ATAD2B: variants seen among roughly 807,000 people sequenced by gnomAD.
ATAD2B encodes ATPase family AAA domain containing 2B, also known as ATPase family AAA domain-containing protein 2B.
ATAD2B carries 40 observed loss-of-function variants against 167.6 expected under a neutral mutation model. The observed-to-expected ratio is 0.24, with a 90% confidence interval of 0.19 to 0.31. The LOEUF is 0.31. Ranked by LOEUF, ATAD2B falls within the 10% of genes least tolerant of loss-of-function variation. The probability of loss-of-function intolerance (pLI) is 1.00; values close to 1 mark genes in which losing one functional copy is unlikely to be tolerated. For synonymous variants in ATAD2B, 579 were observed against 596.5 expected, an observed-to-expected ratio of 0.97 and a Z score of 0.43; for missense variants, 1,242 against 1,757.2, an observed-to-expected ratio of 0.71 and a Z score of 5.24.
intron 22 of ATAD2B, among the ~76,000 whole-genome samples, chr2:23,776,819 A>G (rs2149365161): frequency 6.6e-6 from 1 of 152,312 alleles, no homozygotes; most frequent in Admixed American, 6.5e-5. Context: ...ATAATCACCA[A>G]TAATTTGATA....
chr2:23,860,901 G>A (rs1049123394), intron 12 of ATAD2B, among the ~76,000 whole-genome samples: 10 of 152,154 alleles, frequency 6.6e-5, no homozygotes, highest in African/African-American at 2.4e-4. Flanking sequence ...AACCCAGGAG[G>A]TGGAGGTTGC....
chr2:23,837,593 C>T (rs1189434229), intron 13 of ATAD2B, among the ~76,000 whole-genome samples: 1 of 152,238 alleles, frequency 6.6e-6, no homozygotes, highest in East Asian at 1.9e-4. Context: ...CCCGGCTACA[C>T]CTCCCCAATA....
At chr2:23,914,075 C>A (rs897349094) in intron 1 of ATAD2B, among the ~76,000 whole-genome samples, 3 of 152,062 alleles carry the variant, frequency 2.0e-5, no homozygotes, top group Non-Finnish European at 4.4e-5. Context: ...ACAGCAATAA[C>A]CCTGTCTCTA....
At chr2:23,737,961 G>A in the ATAD2B span, among the ~76,000 whole-genome samples, 35 of 152,236 alleles carry the variant, frequency 2.3e-4, no homozygotes, top group East Asian at 1.9e-4. Context: ...GATGGAAGAC[G>A]AAATGAATGA....
rs1345811141 is a variant in ATAD2B at position 23,781,177 on chromosome 2, G to GC, written c.3133+1691dup. 1.1e-4 allele frequency among the ~76,000 whole-genome samples: 17 copies of GC among 151,958 alleles called. No individual in the cohort carries two copies. The East Asian group carries it at 1.7e-3, about 16-fold the overall frequency. ...GAGCTGGCCTGGCACTATCAGCTAG[G>GC]CCTCAAGGTACTACAATTAAACATA... is the stretch of plus-strand genomic sequence containing the variant. On this transcript the variant is annotated intron_variant, in intron 22 of 27. Transcript: ENST00000238789.
the ATAD2B span, chr2:23,695,996 G>T: frequency 6.4e-7 from 1 of 1,551,668 alleles, no homozygotes; most frequent in East Asian, 2.4e-5. The surrounding 1 kb of genome is among the most constrained non-coding windows in gnomAD (Gnocchi z 7.6). Context: ...CAGATGGTGG[G>T]GATGACCCAG....
At chr2:23,718,748 C>T in the ATAD2B span, among the ~76,000 whole-genome samples, 1 of 152,188 alleles carries the variant, frequency 6.6e-6, no homozygotes, top group Non-Finnish European at 1.5e-5. Context: ...GTTGGCCGAC[C>T]CGTGTTCTGG....
chr2:23,680,032 C>T, the ATAD2B span, among the ~76,000 whole-genome samples: 301 of 152,246 alleles, frequency 2.0e-3, 2 homozygotes, highest in African/African-American at 6.9e-3. The surrounding 1 kb of genome is among the most constrained non-coding windows in gnomAD (Gnocchi z 4.1). Context: ...TGTGCTGCCC[C>T]TTCAGCCCCG....
At chr2:23,704,332 A>C in the ATAD2B span, among the ~76,000 whole-genome samples, 1 of 152,210 alleles carries the variant, frequency 6.6e-6, no homozygotes. Flanking sequence ...AAAAGCACAC[A>C]CAAACCCACC....
In ATAD2B at chr2:23,757,553, T is replaced by G. The variant is rs1392735219; in HGVS notation, c.3943A>C (p.Lys1315Gln). Residue 1315 changes from lysine (K) to glutamine (Q), a missense_variant, in exon 25 of 28, where the codon AAA becomes CAA. By Grantham distance (53) the Lys-to-Gln change is moderately conservative. Transcript: ENST00000238789. ...EQKILLEDQS[K>Q]EKPETSTENH... Reference sequence around the variant, plus strand: ...TCAGTCGAAGTTTCTGGTTTTTCTTTTGACTGGTCCTCCAGAAGAATCTTT... The same window carrying G: ...TCAGTCGAAGTTTCTGGTTTTTCTTGTGACTGGTCCTCCAGAAGAATCTTT... 2 of 1,600,598 alleles carry G rather than the reference T, an allele frequency of 1.2e-6. No homozygotes were observed. The highest frequency in any genetic ancestry group is 1.8e-5 in the Admixed American group (1 of 56,266).
chr2:23,765,404 T>C (rs1677274294), intron 23 of ATAD2B, 102 bp downstream of exon 23: 2 of 954,752 alleles, frequency 2.1e-6, no homozygotes, highest in Non-Finnish European at 2.9e-6. Context: ...TTAAATACAT[T>C]ACTTTCATAA....
the ATAD2B span, among the ~76,000 whole-genome samples, chr2:23,732,115 T>C: frequency 6.6e-6 from 1 of 152,190 alleles, no homozygotes; most frequent in South Asian, 2.1e-4. Flanking sequence ...AGCTACCATA[T>C]TGAACAGCAC....
intron 2 of ATAD2B, among the ~76,000 whole-genome samples, chr2:23,889,141 G>GA (rs1699106998): frequency 6.6e-6 from 1 of 152,142 alleles, no homozygotes; most frequent in Non-Finnish European, 1.5e-5. Context: ...AGGACATCCA[G>GA]AAAATCACAA....
At chr2:23,925,073 G>C (rs979291411) in intron 1 of ATAD2B, among the ~76,000 whole-genome samples, 12 of 152,124 alleles carry the variant, frequency 7.9e-5, no homozygotes, top group Non-Finnish European at 1.0e-4. Flanking sequence ...GTACAGAAAA[G>C]ATCTTTTCTT....
chr2:23,873,434 TC>T (rs1392230514), intron 8 of ATAD2B, among the ~76,000 whole-genome samples: 1 of 152,178 alleles, frequency 6.6e-6, no homozygotes, highest in Admixed American at 6.5e-5. Flanking sequence ...TATGCTTAAG[TC>T]CCTTACATAA....
rs117493764 is a variant in ATAD2B, at chr2:23,814,687, C to T, written c.2268-4185G>A. Among the ~76,000 whole-genome samples the T allele has an allele frequency of 2.0e-3, 303 of 151,930 alleles. 2 individuals carry two copies. In the East Asian group the frequency reaches 0.02, roughly 10 times the overall value. The stretch of plus-strand genomic sequence containing the variant: ...AGTTGTGGAGGGTACAGTAAAGGTA[C>T]TAGGGTGGGGAGAGAAAAAAGAAGG... On this transcript the variant is annotated intron_variant, in intron 17 of 27. Coordinates refer to ENST00000238789, the MANE Select transcript of ATAD2B (RefSeq NM_017552.4).
chr2:23,920,125 T>C (rs887685960), intron 1 of ATAD2B, among the ~76,000 whole-genome samples: 6 of 148,808 alleles, frequency 4.0e-5, no homozygotes, highest in Admixed American at 6.8e-5. Context: ...TACTCCAGCC[T>C]GGGCAACAGA....
chr2:23,741,328 C>T, the ATAD2B span, among the ~76,000 whole-genome samples: 3 of 152,198 alleles, frequency 2.0e-5, no homozygotes, highest in African/African-American at 7.2e-5. Flanking sequence ...GGAACCAAAA[C>T]AGCATGGTAC....
chr2:23,880,358 T>C (rs974638090), intron 7 of ATAD2B, among the ~76,000 whole-genome samples: 2 of 152,010 alleles, frequency 1.3e-5, no homozygotes, highest in African/African-American at 4.8e-5. Context: ...TTAAAAGCAG[T>C]AGGGCATTTT....
Sources: allele counts gnomAD v4.1 joint callset (sites outside exome capture counted in the v4.1 genomes callset), GRCh38; gene constraint gnomAD v4.1.1; non-coding constraint Gnocchi (gnomAD v3.1); transcripts MANE v1.5; gene names NCBI Gene and HGNC (gene_info 2026-07-23, HGNC 2026-07-21).